PCNX2: variants seen among roughly 807,000 people sequenced by gnomAD.
The protein encoded by PCNX2 is pecanex 2, also known as pecanex-like protein 2.
Under a neutral mutation model 223.8 loss-of-function variants are expected in PCNX2, and 168 were observed. The observed-to-expected ratio is 0.75, with a 90% CI of 0.66 to 0.85. The LOEUF is 0.85. Among genes scored for constraint, PCNX2 ranks in the 40% least tolerant of loss-of-function variants. PCNX2 has a pLI of 0.00. For missense variants in PCNX2, 2,507 were observed against 2,675.5 expected, an observed-to-expected ratio of 0.94 and a Z score of 1.39; for synonymous variants, 1,006 against 1,052.6, an observed-to-expected ratio of 0.96 and a Z score of 0.86.
chr1:233,017,094 G>A lies in PCNX2; in HGVS notation c.4666C>T (p.Leu1556Phe), dbSNP rs1440825075. ...GCAAAGGGCTGCAGGGACTTCAGAA[G>A]TGATTCATTTTTGATCCAGGAGAGG... ...KLLSWIKNES[L>F]LKSLQPFAKW... The change falls in exon 27 of 34, where the codon CTT becomes TTT. Residue 1556 changes from leucine to phenylalanine, a missense_variant. Physicochemically the swap from Leu to Phe is conservative, Grantham distance 22. This residue lies in a region of PCNX2 where 1,372 missense variants were observed against 1,509.4 expected (regional missense o/e 0.91). Transcript: ENST00000258229. 2 of 1,613,636 alleles carry A rather than the reference G, an allele frequency of 1.2e-6. No homozygotes were observed. Among genetic ancestry groups the A allele is most frequent in the African/African-American group, 1.3e-5 (1 of 74,944 alleles).
chr1:233,327,222 G>A, the PCNX2 span, among the ~76,000 whole-genome samples: 5 of 152,052 alleles, frequency 3.3e-5, no homozygotes, highest in Non-Finnish European at 7.4e-5. Context: ...CCCTCCCTCA[G>A]TCTTACCTTT....
At chr1:233,128,838 AAG>A (rs1343104381) in intron 21 of PCNX2, among the ~76,000 whole-genome samples, 1 of 152,244 alleles carries the variant, frequency 6.6e-6, no homozygotes, top group Non-Finnish European at 1.5e-5. Context: ...AAGCAAGATA[AAG>A]AGAGGGAAGG....
At chr1:233,097,311 T>C (rs770778598) in intron 21 of PCNX2, among the ~76,000 whole-genome samples, 15 of 138,918 alleles carry the variant, frequency 1.1e-4, no homozygotes, top group Non-Finnish European at 1.6e-4. Flanking sequence ...AAGAAAAAAA[T>C]AGGGGAAACA....
chr1:233,178,156 A>C (rs776733489), intron 16 of PCNX2, among the ~76,000 whole-genome samples: 4 of 152,214 alleles, frequency 2.6e-5, no homozygotes, highest in Non-Finnish European at 5.9e-5. Flanking sequence ...GACATGGGGA[A>C]GGTCCTCCAT....
chr1:233,236,832 G>T lies in PCNX2; in HGVS notation c.2358+13C>A, dbSNP rs1450898214. 1 of 1,611,534 alleles carries T rather than the reference G, an allele frequency of 6.2e-7. No individual in the cohort carries two copies. Among genetic ancestry groups the T allele is most frequent in the Admixed American group, 1.7e-5 (1 of 59,638 alleles). ...CAGAACATCCACAAACAGCAATTCT[G>T]GAATGTACGTACCCGTGGGGTTTCC... On this transcript the variant is annotated intron_variant, in intron 9 of 33. Transcript: ENST00000258229.
At chr1:233,129,181 C>T (rs559490516) in intron 21 of PCNX2, among the ~76,000 whole-genome samples, 4 of 152,334 alleles carry the variant, frequency 2.6e-5, no homozygotes, top group South Asian at 2.1e-4. Context: ...GCTAGAGTTC[C>T]GGATGGGCGT....
intron 1 of PCNX2, among the ~76,000 whole-genome samples, chr1:233,282,706 T>C (rs1402712439): frequency 6.6e-6 from 1 of 152,218 alleles, no homozygotes; most frequent in Non-Finnish European, 1.5e-5. Flanking sequence ...ACACCGAACC[T>C]CTCATTTCTA....
At chr1:233,073,173 A>G (rs1444499713) in intron 23 of PCNX2, among the ~76,000 whole-genome samples, 2 of 152,128 alleles carry the variant, frequency 1.3e-5, no homozygotes, top group Non-Finnish European at 2.9e-5. Flanking sequence ...TAATTTGTTG[A>G]AATACAAGGG....
intron 21 of PCNX2, among the ~76,000 whole-genome samples, chr1:233,098,302 G>C (rs1296066706): frequency 1.3e-5 from 2 of 152,184 alleles, no homozygotes; most frequent in African/African-American, 2.4e-5. Context: ...AGCTTCATCT[G>C]CAAGTTGGAA....
rs1018281839 is a variant in PCNX2, at chr1:233,001,045, T to C, written c.5097+492A>G. ...CAGGCTGATCCTTTTTCTTTTTTTT[T>C]CCCCAAGAGACAGGGTCTTGCACTG... is the stretch of plus-strand genomic sequence containing the variant. On this transcript the variant is annotated intron_variant, in intron 29 of 33. Transcript: ENST00000258229. The surrounding 1 kb of genome is among the most constrained non-coding windows in gnomAD (Gnocchi z 4.2). Among the ~76,000 whole-genome samples the C allele has an allele frequency of 3.3e-5, 5 of 152,236 alleles. No homozygotes were observed. Among genetic ancestry groups the C allele is most frequent in the South Asian group, 2.1e-4 (1 of 4,820 alleles).
intron 26 of PCNX2, among the ~76,000 whole-genome samples, chr1:233,024,863 A>T (rs1671025953): frequency 1.3e-5 from 2 of 152,214 alleles, no homozygotes; most frequent in African/African-American, 4.8e-5. Flanking sequence ...CATCATCAGG[A>T]CAAGCAAATA....
At chr1:233,103,608 G>A (rs1004833068) in intron 21 of PCNX2, among the ~76,000 whole-genome samples, 9 of 152,086 alleles carry the variant, frequency 5.9e-5, no homozygotes, top group Admixed American at 1.3e-4. Flanking sequence ...TGTTGCAAAT[G>A]ATAGAATTCT....
At chr1:233,302,105 T>C in the PCNX2 span, among the ~76,000 whole-genome samples, 2,302 of 152,038 alleles carry the variant, frequency 0.015, 44 homozygotes, top group Non-Finnish European at 0.018. Context: ...GAACAAGCAA[T>C]TGAAAAGAGA....
At chr1:233,303,533 A>G in the PCNX2 span, among the ~76,000 whole-genome samples, 1 of 152,212 alleles carries the variant, frequency 6.6e-6, no homozygotes, top group African/African-American at 2.4e-5. Context: ...ATATATGTAC[A>G]TATATATCTA....
chr1:233,276,850 G>A (rs1400827411), intron 1 of PCNX2, among the ~76,000 whole-genome samples: 1 of 152,204 alleles, frequency 6.6e-6, no homozygotes, highest in African/African-American at 2.4e-5. Flanking sequence ...GGCACTTTGG[G>A]GTAGAACTGT....
At chr1:233,193,862 A>G (rs981552905) in intron 15 of PCNX2, among the ~76,000 whole-genome samples, 4 of 152,144 alleles carry the variant, frequency 2.6e-5, no homozygotes, top group African/African-American at 9.7e-5. Context: ...TAAAACTAAA[A>G]CCCAAAGAAG....
chr1:233,262,122 G>A lies in PCNX2; in HGVS notation c.403C>T (p.Arg135Ter), dbSNP rs71638458. ...IHNGKKEEAS[R>*]NLSTPPLRCS... ...CGGAGGGGAGGCGTGGAGAGGTTTC[G>A]ACTGGCCTCTTCCTTTTTGCCATTG... Residue 135 changes from arginine to a stop codon, truncating the protein, a stop_gained, in exon 3 of 34, where the codon CGA becomes TGA. Coordinates refer to ENST00000258229, the MANE Select transcript of PCNX2 (RefSeq NM_014801.4). LOFTEE classifies it high-confidence loss of function. 2.5e-6 allele frequency: 4 copies of A among 1,613,772 alleles called. No homozygotes were observed. Among genetic ancestry groups the A allele is most frequent in the East Asian group, 2.2e-5 (1 of 44,872 alleles).
chr1:233,202,148 T>G (rs565326432), intron 13 of PCNX2: 1 of 464,096 alleles, frequency 2.2e-6, no homozygotes, highest in South Asian at 1.6e-5. Context: ...ATGCTTGTTA[T>G]GTTACCAGGA....
upstream of PCNX2, among the ~76,000 whole-genome samples, chr1:233,299,234 C>T (rs1662222001): frequency 6.6e-6 from 1 of 152,190 alleles, no homozygotes; most frequent in South Asian, 2.1e-4. Flanking sequence ...CTCTCACTAC[C>T]ATATCCAGTC....
Sources: gnomAD v4.1 joint callset for allele counts (sites outside exome capture counted in the v4.1 genomes callset) on GRCh38, gnomAD v4.1.1 for gene constraint, gnomAD v4.1.1 regional missense constraint, Gnocchi (gnomAD v3.1) non-coding constraint, MANE v1.5 for transcripts, NCBI Gene and HGNC (gene_info 2026-07-23, HGNC 2026-07-21) for gene names.